The following TVP23A variants were observed in gnomAD, a reference collection of about 807,000 sequenced individuals.
TVP23A encodes trans-golgi network vesicle protein 23 homolog A.
TVP23A carries 21 observed loss-of-function variants against 31.7 expected under a neutral mutation model. The observed-to-expected ratio is 0.66, with a 90% CI of 0.47 to 0.95. The LOEUF (loss-of-function observed/expected upper bound fraction) is 0.95. TVP23A is among the 40% of genes least tolerant of loss of function. TVP23A has a pLI of 0.00. For missense variants in TVP23A, 279 were observed against 255.6 expected (o/e 1.09, Z -0.62); for synonymous variants, 104 against 96.0 (o/e 1.08, Z -0.49).
At chr16:10,761,568 C>G in exon 9 of TVP23A, 2 of 1,174,964 alleles carry the variant, frequency 1.7e-6, no homozygotes, top group Non-Finnish European at 2.5e-6. Flanking sequence ...TTCTGCTTTC[C>G]CTGTCATTTT....
intron 2 of TVP23A, among the ~76,000 whole-genome samples, chr16:10,790,971 C>G (rs979689243): frequency 1.1e-4 from 17 of 152,132 alleles, no homozygotes. Flanking sequence ...CTCTTCCCAT[C>G]ATGGCCTGAA....
chr16:10,793,966 C>A (rs1343184801), intron 2 of TVP23A, among the ~76,000 whole-genome samples: 2 of 144,394 alleles, frequency 1.4e-5, no homozygotes, highest in Non-Finnish European at 3.0e-5. Flanking sequence ...CTGGCAAGTC[C>A]AAGATCAAGG....
At chr16:10,813,422 A>T (rs2034288416) in intron 2 of TVP23A, among the ~76,000 whole-genome samples, 1 of 152,150 alleles carries the variant, frequency 6.6e-6, no homozygotes, top group Non-Finnish European at 1.5e-5. Context: ...TTTTCACTCT[A>T]TACTAGCGAT....
intron 2 of TVP23A, among the ~76,000 whole-genome samples, chr16:10,811,786 C>A (rs1041532351): frequency 1.3e-5 from 2 of 151,640 alleles, no homozygotes; most frequent in African/African-American, 2.4e-5. Flanking sequence ...CACCTGTAGT[C>A]CCATCTACTC....
chr16:10,761,217 G>C, downstream of TVP23A: 3 of 621,594 alleles, frequency 4.8e-6, no homozygotes, highest in East Asian at 3.0e-5. Flanking sequence ...GATTTGGATG[G>C]GGACACAGAG....
At chr16:10,764,580 T>C (rs535121318), downstream of TVP23A, among the ~76,000 whole-genome samples, 10 of 151,702 alleles carry the variant, frequency 6.6e-5, no homozygotes, top group Admixed American at 5.2e-4. Context: ...TGCTGGAGTA[T>C]GTCAGTCTAT....
Position 10,768,100 on chromosome 16 carries a change from G to T in TVP23A, c.*1002C>A, listed in dbSNP as rs2031172604. The T allele has an allele frequency of 6.8e-6, 10 of 1,479,104 alleles. No individual in the cohort carries two copies. Among genetic ancestry groups the T allele is most frequent in the African/African-American group, 2.8e-5 (2 of 72,242 alleles). 91.6% of individuals were successfully genotyped at this position (1,479,104 alleles called of 1,614,324 possible). A position where few individuals can be genotyped will look rare whatever the true frequency, so the allele number is the denominator to read the frequency against. ...AGGAAGCAACATAAAGGAGCCAGGG[G>T]TGTGGAAGGACAGGTGGGTGGTGGG... is the stretch of plus-strand genomic sequence containing the variant. On this transcript the variant is annotated 3_prime_UTR_variant, in exon 8 of 8. Transcript: ENST00000299866. The surrounding 1 kb of genome is among the most constrained non-coding windows in gnomAD (Gnocchi z 4.3).
chr16:10,791,984 TA>T (rs2033130426), intron 2 of TVP23A, among the ~76,000 whole-genome samples: 1 of 152,172 alleles, frequency 6.6e-6, no homozygotes, highest in Non-Finnish European at 1.5e-5. Context: ...ATTTGTGTAA[TA>T]AGATTAGGGT....
chr16:10,794,623 C>T (rs1264384329), intron 2 of TVP23A, among the ~76,000 whole-genome samples: 2 of 152,198 alleles, frequency 1.3e-5, no homozygotes, highest in African/African-American at 4.8e-5. Flanking sequence ...TGAGCTTCCC[C>T]GAGTGGGAGT....
chr16:10,769,125 C>G (rs767967750), intron 7 of TVP23A, 24 bp from the exon 8 acceptor site: 1 of 1,612,018 alleles, frequency 6.2e-7, no homozygotes, highest in Admixed American at 1.7e-5. Context: ...ATGTTCAGGA[C>G]CAAGCAGTTA....
downstream of TVP23A, chr16:10,762,045 CG>C (rs2029998271): frequency 5.6e-6 from 3 of 536,626 alleles, no homozygotes; most frequent in East Asian, 9.0e-5. Context: ...GAGACCCCTG[CG>C]GGCAGGTAGC....
At chr16:10,795,549 CCTAT>C (rs1474349151) in intron 2 of TVP23A, among the ~76,000 whole-genome samples, 1 of 152,116 alleles carries the variant, frequency 6.6e-6, no homozygotes, top group African/African-American at 2.4e-5. Context: ...CTGTGCCCGG[CCTAT>C]CTGACACTTA....
intron 2 of TVP23A, among the ~76,000 whole-genome samples, chr16:10,806,268 G>A (rs1189402779): frequency 2.0e-5 from 3 of 152,146 alleles, no homozygotes; most frequent in Admixed American, 2.0e-4. Flanking sequence ...ACTTGAACCT[G>A]TGAGGTGGAG....
chr16:10,781,045 GA>G (rs1360330126), intron 2 of TVP23A, among the ~76,000 whole-genome samples: 1 of 152,096 alleles, frequency 6.6e-6, no homozygotes, highest in Non-Finnish European at 1.5e-5. Flanking sequence ...ATTGTTTCAA[GA>G]AGAGGAGACT....
intron 3 of TVP23A, among the ~76,000 whole-genome samples, chr16:10,774,399 G>A (rs2031850577): frequency 6.6e-6 from 1 of 151,952 alleles, no homozygotes; most frequent in Non-Finnish European, 1.5e-5. Context: ...TCGTATACAA[G>A]TGATATGGTT....
intron 2 of TVP23A, chr16:10,800,185 AGTGTTGGGATTATAG>A (rs2033630016): frequency 6.6e-6 from 1 of 151,570 alleles, no homozygotes; most frequent in African/African-American, 2.4e-5. Flanking sequence ...GGCCTCCCAA[AGTGTTGGGATTATAG>A]GTGTCAGCCA....
At chr16:10,804,219 G>A (rs1006537472) in intron 2 of TVP23A, among the ~76,000 whole-genome samples, 2 of 152,142 alleles carry the variant, frequency 1.3e-5, no homozygotes, top group African/African-American at 2.4e-5. Flanking sequence ...AGAAAACCAC[G>A]GCATCAGGGA....
At chr16:10,770,196 G>A in intron 7 of TVP23A, 76 bp downstream of exon 7, 1 of 1,528,382 alleles carries the variant, frequency 6.5e-7, no homozygotes, top group Non-Finnish European at 8.8e-7. Context: ...CCAGACCCCG[G>A]GCCCCTGTGC....
rs2030966634 is a variant in TVP23A, at chr16:10,766,902, G to GA, written c.*2199dup. 2.5e-6 allele frequency: 1 copy of GA among 398,436 alleles called. No homozygotes were observed. The highest frequency in any genetic ancestry group is 4.4e-6 in the Non-Finnish European group (1 of 226,072). The allele number at this position is 398,436 out of a possible 1,614,324, so 24.7% of individuals were successfully genotyped here. A position where few individuals can be genotyped will look rare whatever the true frequency, so the allele number is the denominator to read the frequency against. ...ACATTTCCTGTTATGGCTCAAGTGC[G>GA]AATTGGCCTTATGTTCCCTGCCTCT... On this transcript the variant is annotated 3_prime_UTR_variant, in exon 8 of 8. Coordinates refer to ENST00000299866, the MANE Select transcript of TVP23A (RefSeq NM_001079512.4). The surrounding 1 kb of genome is among the most constrained non-coding windows in gnomAD (Gnocchi z 4.8).
Sources: allele counts gnomAD v4.1 joint callset (sites outside exome capture counted in the v4.1 genomes callset), GRCh38; gene constraint gnomAD v4.1.1; non-coding constraint Gnocchi (gnomAD v3.1); transcripts MANE v1.5; gene names NCBI Gene and HGNC (gene_info 2026-07-23, HGNC 2026-07-21).